The following KIAA1217 variants were observed in gnomAD, a reference collection of about 807,000 sequenced individuals.
KIAA1217 encodes sickle tail protein homolog.
A neutral mutation model predicts 163.9 loss-of-function variants in KIAA1217; 88 were observed. The ratio of observed to expected loss-of-function variants is 0.54; its 90% CI spans 0.45 to 0.64. The LOEUF (loss-of-function observed/expected upper bound fraction) is 0.64. Among genes scored for constraint, KIAA1217 ranks in the 30% least tolerant of loss-of-function variants. The probability of loss-of-function intolerance (pLI) is 0.00; values close to 1 mark genes in which losing one functional copy is unlikely to be tolerated. For synonymous variants in KIAA1217, 903 were observed against 923.1 expected (o/e 0.98, Z 0.39); for missense variants, 2,372 against 2,475.0 (o/e 0.96, Z 0.88).
chr10:24,149,581 A>G (rs897965837), intron 2 of KIAA1217, among the ~76,000 whole-genome samples: 12 of 152,172 alleles, frequency 7.9e-5, no homozygotes, highest in Non-Finnish European at 5.9e-5. Context: ...ATAAGAAAAA[A>G]AAATAAACAA....
Position 24,524,527 on chromosome 10 carries a change from G to A in KIAA1217, c.2661G>A (p.Ala887=), listed in dbSNP as rs145629946. 1.3e-4 allele frequency: 202 copies of A among 1,614,042 alleles called. No homozygotes were observed. The Admixed American group carries it at 1.8e-3, about 14-fold the overall frequency. The change falls in exon 13 of 21, where the codon GCG becomes GCA. Residue 887 remains alanine, a synonymous_variant. Transcript: ENST00000376454. ...TGTCCGGCATGATGGTTCGCCACGC[G>A]CAGAGCTCCCCTGTGGTCATCCAGC... ...VPLSGMMVRH[A]QSSPVVIQPS...
chr10:24,510,902 C>A (rs1483906635), intron 9 of KIAA1217, among the ~76,000 whole-genome samples: 1 of 152,084 alleles, frequency 6.6e-6, no homozygotes, highest in Non-Finnish European at 1.5e-5. Flanking sequence ...GTTGCCTGTT[C>A]TTATCAATGT....
chr10:23,995,756 G>C (rs559991356), intron 1 of KIAA1217, among the ~76,000 whole-genome samples: 6 of 152,268 alleles, frequency 3.9e-5, no homozygotes, highest in Non-Finnish European at 8.8e-5. Context: ...ACCAGGTGCT[G>C]CCTGCCTGCC....
At chr10:23,849,402 A>ACGTG (rs1564473345) in intron 1 of KIAA1217, among the ~76,000 whole-genome samples, 1 of 152,008 alleles carries the variant, frequency 6.6e-6, no homozygotes, top group Non-Finnish European at 1.5e-5. Flanking sequence ...TCCTTGGGGC[A>ACGTG]AGGACCCTAG....
At chr10:24,172,707 A>T (rs2065688238) in intron 2 of KIAA1217, among the ~76,000 whole-genome samples, 1 of 152,236 alleles carries the variant, frequency 6.6e-6, no homozygotes. Context: ...TGAAGGACAC[A>T]GTTGACCAGA....
chr10:24,542,725 A>T lies in KIAA1217; in HGVS notation c.3567A>T (p.Lys1189Asn), dbSNP rs185982292. ...NLEFFHEDVR[K>N]SDVEYENGPQ... is the part of the protein sequence containing the mutation. ...AATTTTTCCATGAAGATGTACGGAA[A>T]TCTGATGTTGAATATGAAAATGGCC... Residue 1189 changes from lysine to asparagine, a missense_variant, in exon 18 of 21, where the codon AAA (lysine) becomes AAT (asparagine). Coordinates refer to ENST00000376454, the MANE Select transcript of KIAA1217 (RefSeq NM_019590.5). 2 of 1,614,104 alleles carry T rather than the reference A, an allele frequency of 1.2e-6. No individual in the cohort carries two copies. The highest frequency in any genetic ancestry group is 1.7e-5 in the Admixed American group (1 of 60,004).
At chr10:24,060,666 C>T (rs766089350) in intron 2 of KIAA1217, among the ~76,000 whole-genome samples, 1 of 152,060 alleles carries the variant, frequency 6.6e-6, no homozygotes, top group Non-Finnish European at 1.5e-5. Flanking sequence ...CGTGGTGACA[C>T]AAGCCTGTAG....
At chr10:24,246,024 T>C (rs952465852) in intron 2 of KIAA1217, among the ~76,000 whole-genome samples, 15 of 152,174 alleles carry the variant, frequency 9.9e-5, no homozygotes, top group African/African-American at 3.6e-4. Context: ...GACCTTTTTG[T>C]TTTTTAATTG....
intron 1 of KIAA1217, among the ~76,000 whole-genome samples, chr10:23,999,672 G>A (rs539570909): frequency 2.6e-5 from 4 of 152,262 alleles, no homozygotes; most frequent in African/African-American, 2.4e-5. Context: ...ATAATGCGAA[G>A]GAGTTTTGAA....
At chr10:24,479,440 C>CA (rs1564761862) in intron 6 of KIAA1217, among the ~76,000 whole-genome samples, 1 of 152,130 alleles carries the variant, frequency 6.6e-6, no homozygotes, top group African/African-American at 2.4e-5. Context: ...TACTTGCTTT[C>CA]CTTTCTTGCT....
chr10:24,216,317 G>GTA (rs879078111), intron 1 of KIAA1217, among the ~76,000 whole-genome samples: 1 of 152,142 alleles, frequency 6.6e-6, no homozygotes, highest in Non-Finnish European at 1.5e-5. Flanking sequence ...GTGCAGCATA[G>GTA]TAAGGCAGGA....
At chr10:24,481,335 C>A (rs1413049454) in intron 6 of KIAA1217, 2 of 152,184 alleles carry the variant, frequency 1.3e-5, no homozygotes, top group Non-Finnish European at 2.9e-5. Flanking sequence ...TTTTGAGAAA[C>A]AACCACAATC....
At chr10:24,402,516 C>CAAAACA (rs1554849271) in intron 3 of KIAA1217, among the ~76,000 whole-genome samples, 10 of 92,980 alleles carry the variant, frequency 1.1e-4, no homozygotes, top group East Asian at 1.1e-3. Flanking sequence ...CTCAAAAAAA[C>CAAAACA]AAAAAACAAA....
Position 24,476,376 on chromosome 10 carries a change from A to G in KIAA1217, c.1679+2316A>G, listed in dbSNP as rs1478229884. Among the ~76,000 whole-genome samples, 3 of 152,156 alleles carry G rather than the reference A, an allele frequency of 2.0e-5. No individual in the cohort carries two copies. In the East Asian group the frequency reaches 5.8e-4, roughly 29 times the overall value. ...TTGAAAGATTTTAGCTTTTGGTACT[A>G]TGGGTATTCTTTGAGAGCCTCCACT... On this transcript the variant is annotated intron_variant, in intron 6 of 20. Coordinates refer to ENST00000376454, the MANE Select transcript of KIAA1217 (RefSeq NM_019590.5).
intron 12 of KIAA1217, 146 bp from the exon 13 acceptor site, chr10:24,524,177 G>T: frequency 1.4e-6 from 1 of 727,002 alleles, no homozygotes. Context: ...CAGCAGAAAG[G>T]GATATGTCTA....
rs189312789 is a variant in KIAA1217 at position 23,873,144 on chromosome 10, G to T, written c.-320-134081G>T. Among the ~76,000 whole-genome samples, 4 of 152,096 alleles carry T rather than the reference G, an allele frequency of 2.6e-5. No homozygotes were observed. In the East Asian group the frequency reaches 7.8e-4, roughly 30 times the overall value. On this transcript the variant is annotated intron_variant, in intron 1 of 18. Coordinates refer to the KIAA1217 transcript ENST00000376462. ...AGAGATCAAATCAACACAGTGTAAG[G>T]ACAATAATCTGGGATCATTAAACCT...
chr10:24,189,677 G>T (rs1184344942), intron 2 of KIAA1217, among the ~76,000 whole-genome samples: 1 of 152,158 alleles, frequency 6.6e-6, no homozygotes, highest in South Asian at 2.1e-4. Flanking sequence ...GGAAGACTGC[G>T]TGTTTTTATG....
At chr10:24,386,967 C>T (rs2054094899) in intron 3 of KIAA1217, among the ~76,000 whole-genome samples, 1 of 152,090 alleles carries the variant, frequency 6.6e-6, no homozygotes, top group African/African-American at 2.4e-5. Context: ...TTTCTAAGAC[C>T]TTGTAGTTAT....
intron 2 of KIAA1217, among the ~76,000 whole-genome samples, chr10:24,189,281 T>C (rs1286058416): frequency 2.0e-5 from 3 of 152,104 alleles, no homozygotes; most frequent in Non-Finnish European, 4.4e-5. Flanking sequence ...CTGTTGCTAC[T>C]GTTAAGTGGT....
Sources: gnomAD v4.1 joint callset for allele counts (sites outside exome capture counted in the v4.1 genomes callset) on GRCh38, gnomAD v4.1.1 for gene constraint, MANE v1.5 for transcripts, NCBI Gene and HGNC (gene_info 2026-07-23, HGNC 2026-07-21) for gene names.